Variants in CHST11 observed in about 807,000 individuals in gnomAD.
CHST11 encodes the protein carbohydrate sulfotransferase 11, also known as C4S-1.
CHST11 carries 9 observed loss-of-function variants against 30.4 expected under a neutral mutation model. That is an observed-to-expected ratio of 0.30 (90% CI 0.18 to 0.52). The LOEUF is 0.52. CHST11 is among the 20% of genes least tolerant of loss of function. The pLI is 0.97. For missense variants in CHST11, 348 were observed against 460.6 expected, an observed-to-expected ratio of 0.76 and a Z score of 2.24; for synonymous variants, 152 against 187.8, an observed-to-expected ratio of 0.81 and a Z score of 1.56.
chr12:104,698,228 G>C (rs2136111613), intron 2 of CHST11, among the ~76,000 whole-genome samples: 1 of 152,220 alleles, frequency 6.6e-6, no homozygotes, highest in Admixed American at 6.5e-5. Flanking sequence ...GGCCATCAAG[G>C]CATTTCATCA....
chr12:104,545,761 T>G (rs2038340609), intron 1 of CHST11, among the ~76,000 whole-genome samples: 1 of 152,330 alleles, frequency 6.6e-6, no homozygotes, highest in South Asian at 2.1e-4. Context: ...GGCTAACTTC[T>G]CACCATAGCC....
At chr12:104,519,521 A>G (rs2038056511) in intron 1 of CHST11, among the ~76,000 whole-genome samples, 1 of 152,150 alleles carries the variant, frequency 6.6e-6, no homozygotes, top group African/African-American at 2.4e-5. Flanking sequence ...AGGGTTGGGT[A>G]GAACCCCCTA....
intron 2 of CHST11, among the ~76,000 whole-genome samples, chr12:104,663,132 C>A (rs778346910): frequency 2.2e-4 from 33 of 152,228 alleles, no homozygotes; most frequent in Non-Finnish European, 3.5e-4. Context: ...AGCAGGCTGG[C>A]CTGTGTTGGG....
intron 1 of CHST11, among the ~76,000 whole-genome samples, chr12:104,465,962 C>G (rs555291408): frequency 2.0e-5 from 3 of 151,834 alleles, no homozygotes; most frequent in African/African-American, 7.3e-5. Context: ...TGGGTTCAAG[C>G]GATTCTCCTG....
intron 2 of CHST11, among the ~76,000 whole-genome samples, chr12:104,753,573 C>G (rs1459067491): frequency 6.6e-6 from 1 of 152,224 alleles, no homozygotes; most frequent in Non-Finnish European, 1.5e-5. Context: ...CCCATGACCA[C>G]TGGGCATTGA....
At chr12:104,557,208 G>A (rs1048256658) in intron 1 of CHST11, among the ~76,000 whole-genome samples, 1 of 152,148 alleles carries the variant, frequency 6.6e-6, no homozygotes, top group African/African-American at 2.4e-5. Context: ...TCTGTAAGGC[G>A]GGAATGTGCA....
intron 2 of CHST11, among the ~76,000 whole-genome samples, chr12:104,717,876 G>C (rs2040143657): frequency 6.6e-6 from 1 of 152,158 alleles, no homozygotes; most frequent in African/African-American, 2.4e-5. Flanking sequence ...CTTGAACCCA[G>C]GAGGCATAGG....
At chr12:104,533,717 A>G (rs2038207934) in intron 1 of CHST11, among the ~76,000 whole-genome samples, 1 of 152,228 alleles carries the variant, frequency 6.6e-6, no homozygotes, top group African/African-American at 2.4e-5. Flanking sequence ...TGGTTCATGG[A>G]TCATTATCAC....
At chr12:104,531,479 A>AAAAAAAAGAG (rs1167716012) in intron 1 of CHST11, among the ~76,000 whole-genome samples, 1 of 145,362 alleles carries the variant, frequency 6.9e-6, no homozygotes, top group African/African-American at 2.5e-5. Flanking sequence ...AAAAAAAAAA[A>AAAAAAAAGAG]AGAGAGAGAG....
At chr12:104,571,349 G>C (rs2038624212) in intron 1 of CHST11, among the ~76,000 whole-genome samples, 1 of 152,048 alleles carries the variant, frequency 6.6e-6, no homozygotes, top group Non-Finnish European at 1.5e-5. Context: ...TTTTAGTAGA[G>C]ATGGGGTTTC....
At chr12:104,514,327 AC>A in intron 1 of CHST11, 1 of 968,318 alleles carries the variant, frequency 1.0e-6, no homozygotes, top group South Asian at 1.3e-5. Context: ...TGTGCCAGAA[AC>A]CTGTCTCTCA....
At chr12:104,490,003 G>A (rs2135967060) in intron 1 of CHST11, among the ~76,000 whole-genome samples, 1 of 152,314 alleles carries the variant, frequency 6.6e-6, no homozygotes, top group Non-Finnish European at 1.5e-5. Flanking sequence ...CTTGGAGCCT[G>A]ATGAAGTTCA....
In CHST11 at chr12:104,563,200, C is replaced by G. The variant is rs1383033639; in HGVS notation, c.119-38706C>G. Among the ~76,000 whole-genome samples the G allele has an allele frequency of 2.0e-5, 3 of 152,112 alleles. No individual in the cohort carries two copies. The East Asian group carries it at 5.8e-4, about 29-fold the overall frequency. Reference sequence around the variant, plus strand: ...GGATTACAGGCGCTCACTACCAAGCCTGACTAATTTTTGTATTTTCAGTAG... The same window carrying G: ...GGATTACAGGCGCTCACTACCAAGCGTGACTAATTTTTGTATTTTCAGTAG... On this transcript the variant is annotated intron_variant, in intron 1 of 2. Coordinates refer to ENST00000303694, the MANE Select transcript of CHST11 (RefSeq NM_018413.6).
chr12:104,602,016 A>C, intron 2 of CHST11, 25 bp downstream of exon 2: 1 of 1,509,206 alleles, frequency 6.6e-7, no homozygotes. Flanking sequence ...CTCTGTCAGC[A>C]TGTGAATTTT....
intron 2 of CHST11, among the ~76,000 whole-genome samples, chr12:104,653,059 C>G (rs944010802): frequency 5.9e-5 from 9 of 152,182 alleles, no homozygotes; most frequent in Non-Finnish European, 1.0e-4. Flanking sequence ...CTGTAGAGCT[C>G]AGTACCTTCA....
chr12:104,522,504 A>G (rs1175638484), intron 1 of CHST11, among the ~76,000 whole-genome samples: 1 of 152,220 alleles, frequency 6.6e-6, no homozygotes, highest in African/African-American at 2.4e-5. Context: ...CTTGATCATC[A>G]GAATTACCTG....
At chr12:104,628,669 C>T (rs1477247438) in intron 2 of CHST11, among the ~76,000 whole-genome samples, 1 of 152,192 alleles carries the variant, frequency 6.6e-6, no homozygotes, top group South Asian at 2.1e-4. Context: ...TTCCAGCCCT[C>T]CAGGCCTTGG....
Position 104,544,140 on chromosome 12 carries a change from AAG to A in CHST11, c.119-57764_119-57763del, listed in dbSNP as rs1565981156. 8.2e-5 allele frequency among the ~76,000 whole-genome samples: 3 copies of A among 36,372 alleles called. 1 individual carries two copies. Among genetic ancestry groups the A allele is most frequent in the Non-Finnish European group, 1.7e-4 (3 of 17,580 alleles). 23.9% of individuals were successfully genotyped at this position (36,372 alleles called of 152,430 possible). A position where few individuals can be genotyped will look rare whatever the true frequency, so the allele number is the denominator to read the frequency against. ...CCCTGTCTGTTAAAAAAAAAAAAAA[AAG>A]AAAGAAAGAAAGAAAGAAAGAAAGA... On this transcript the variant is annotated intron_variant, in intron 1 of 2. Transcript: ENST00000303694.
chr12:104,711,574 G>T (rs916467834), intron 2 of CHST11, among the ~76,000 whole-genome samples: 3 of 152,156 alleles, frequency 2.0e-5, no homozygotes. Flanking sequence ...GGGATGGCAG[G>T]AGTGGGAAGT....
Sources: allele counts gnomAD v4.1 joint callset (sites outside exome capture counted in the v4.1 genomes callset), GRCh38; gene constraint gnomAD v4.1.1; transcripts MANE v1.5; gene names NCBI Gene and HGNC (gene_info 2026-07-23, HGNC 2026-07-21).